Variants in LRBA observed in about 807,000 individuals in gnomAD.
LRBA encodes the protein LPS responsive beige-like anchor protein, also known as lipopolysaccharide-responsive and beige-like anchor protein.
In LRBA, 176 loss-of-function variants were observed where a neutral mutation model predicts 330.0. The observed-to-expected ratio is 0.53, with a 90% CI of 0.47 to 0.60. The LOEUF (loss-of-function observed/expected upper bound fraction) is 0.60, where lower values mean the gene tolerates loss of function less well. LRBA is among the 20% of genes least tolerant of loss of function. The probability of loss-of-function intolerance (pLI) is 0.00; values close to 1 mark genes in which losing one functional copy is unlikely to be tolerated. For synonymous variants in LRBA, 1,230 were observed against 1,193.0 expected, an observed-to-expected ratio of 1.03 and a Z score of -0.64; for missense variants, 3,259 against 3,444.8, an observed-to-expected ratio of 0.95 and a Z score of 1.35.
In LRBA at chr4:150,282,629, G is replaced by A; in HGVS notation, c.8137C>T (p.His2713Tyr). 1.9e-6 allele frequency: 3 copies of A among 1,607,960 alleles called. No individual in the cohort carries two copies. The highest frequency in any genetic ancestry group is 2.6e-6 in the Non-Finnish European group (3 of 1,176,288). The change falls in exon 55 of 57, where the codon CAT becomes TAT. Residue 2713 changes from histidine to tyrosine, a missense_variant. His to Tyr is a moderately conservative substitution (Grantham distance 83). Coordinates refer to ENST00000651943, the MANE Select transcript of LRBA (RefSeq NM_001364905.1). ...CTCAACAAGTCTCCATTCATGGAAT[G>A]TATGAGACATGGTCCTTCTGAGAAG... ...SGSQEGPCLI[H>Y]SMNGDLLRTL...
chr4:150,937,947 T>C (rs1735256493), intron 2 of LRBA, among the ~76,000 whole-genome samples: 2 of 152,158 alleles, frequency 1.3e-5, no homozygotes, highest in South Asian at 2.1e-4. Flanking sequence ...AAAAGATTAA[T>C]ACAACTGGAA....
chr4:150,989,169 C>CT (rs1741793046), intron 2 of LRBA, among the ~76,000 whole-genome samples: 1 of 151,842 alleles, frequency 6.6e-6, no homozygotes, highest in Non-Finnish European at 1.5e-5. Flanking sequence ...CCCCGCCTCA[C>CT]TAATTTCTGT....
In LRBA at chr4:150,928,797, T is replaced by C. The variant is rs778069427; in HGVS notation, c.448+37A>G. 5.3e-6 allele frequency: 8 copies of C among 1,501,990 alleles called. No homozygotes were observed. In the East Asian group the frequency reaches 1.6e-4, roughly 30 times the overall value. The allele number at this position is 1,501,990 out of a possible 1,614,324, so 93.0% of individuals were successfully genotyped here. ...ATATGTATTTGAAAATCAAACTTTA[T>C]TTCTTTGCATATATTGTACTATAGA... On this transcript the variant is annotated intron_variant, in intron 3 of 56. Transcript: ENST00000651943.
rs1748473476 is a variant in LRBA at position 150,420,310 on chromosome 4, G to GCA, written c.7042-4721_7042-4720insTG. Among the ~76,000 whole-genome samples, 3 of 144,630 alleles carry GCA rather than the reference G, an allele frequency of 2.1e-5. No homozygotes were observed. The East Asian group carries it at 6.1e-4, about 29-fold the overall frequency. The allele number at this position is 144,630 out of a possible 152,430, so 94.9% of individuals were successfully genotyped here. On this transcript the variant is annotated intron_variant, in intron 46 of 56. Transcript: ENST00000651943. ...TATATAATACACATTATAGTATAAA[G>GCA]TATATATAATGCACATTATAGTATA... is the stretch of plus-strand genomic sequence containing the variant.
chr4:150,483,468 G>C (rs1757525980), intron 42 of LRBA, among the ~76,000 whole-genome samples: 1 of 148,788 alleles, frequency 6.7e-6, no homozygotes, highest in Non-Finnish European at 1.5e-5. Flanking sequence ...TTAAATTTTA[G>C]AATCAGCTTG....
intron 40 of LRBA, among the ~76,000 whole-genome samples, chr4:150,562,082 T>C (rs1002268581): frequency 1.5e-5 from 2 of 132,464 alleles, no homozygotes; most frequent in African/African-American, 5.5e-5. Context: ...CTTTCCCCCT[T>C]AGCCTCTCCT....
chr4:150,620,506 A>G lies in LRBA; in HGVS notation c.5922-21375T>C, dbSNP rs376505339. 1.5e-4 allele frequency among the ~76,000 whole-genome samples: 23 copies of G among 152,320 alleles called. No homozygotes were observed. The South Asian group carries it at 2.7e-3, about 18-fold the overall frequency. On this transcript the variant is annotated intron_variant, in intron 37 of 56. Coordinates refer to ENST00000651943, the MANE Select transcript of LRBA (RefSeq NM_001364905.1). Reference sequence around the variant, plus strand: ...TTACATCAAAAAGACATCTGCAAGCATATGTTTATTGCAGCACAATTCACA... The same window carrying G: ...TTACATCAAAAAGACATCTGCAAGCGTATGTTTATTGCAGCACAATTCACA...
At chr4:150,483,563 G>A (rs1483270921) in intron 42 of LRBA, among the ~76,000 whole-genome samples, 1 of 151,580 alleles carries the variant, frequency 6.6e-6, no homozygotes, top group African/African-American at 2.4e-5. Flanking sequence ...TGAACTCCTA[G>A]GCTCAAGTGA....
chr4:150,344,687 C>T (rs1317750977), intron 48 of LRBA, among the ~76,000 whole-genome samples: 2 of 152,156 alleles, frequency 1.3e-5, no homozygotes, highest in Non-Finnish European at 2.9e-5. Flanking sequence ...TCAGCTAGGG[C>T]TATATGTATG....
At chr4:150,793,756 G>A (rs1034053454) in intron 34 of LRBA, among the ~76,000 whole-genome samples, 53 of 152,248 alleles carry the variant, frequency 3.5e-4, no homozygotes, top group African/African-American at 1.2e-3. Flanking sequence ...AGGGAAGAGA[G>A]GGTAAAGGAA....
chr4:150,801,407 GA>G (rs1340884551), intron 33 of LRBA, among the ~76,000 whole-genome samples: 2 of 152,104 alleles, frequency 1.3e-5, no homozygotes, highest in Admixed American at 6.5e-5. Flanking sequence ...CAACATTTTG[GA>G]AAAATTGGAT....
intron 2 of LRBA, among the ~76,000 whole-genome samples, chr4:150,961,138 T>G (rs1381847126): frequency 6.7e-6 from 1 of 149,150 alleles, no homozygotes; most frequent in African/African-American, 2.6e-5. Flanking sequence ...TGGCTGTAGA[T>G]GAGATTCAGC....
intron 17 of LRBA, among the ~76,000 whole-genome samples, chr4:150,873,610 A>C (rs1363742350): frequency 6.6e-6 from 1 of 152,048 alleles, no homozygotes; most frequent in Non-Finnish European, 1.5e-5. Context: ...ACAAACAAAC[A>C]AAGATCTAGG....
intron 34 of LRBA, among the ~76,000 whole-genome samples, chr4:150,768,192 T>A (rs1736047745): frequency 6.6e-6 from 1 of 152,030 alleles, no homozygotes; most frequent in Non-Finnish European, 1.5e-5. Flanking sequence ...AAATTTATTT[T>A]ACAACCTGGA....
At chr4:150,625,714 A>T (rs963519352) in intron 37 of LRBA, among the ~76,000 whole-genome samples, 2 of 147,946 alleles carry the variant, frequency 1.4e-5, no homozygotes, top group African/African-American at 5.0e-5. Flanking sequence ...TATAATTATT[A>T]TTATTTTTTT....
At chr4:150,341,613 T>A (rs1735580222) in intron 48 of LRBA, among the ~76,000 whole-genome samples, 1 of 152,086 alleles carries the variant, frequency 6.6e-6, no homozygotes, top group African/African-American at 2.4e-5. Context: ...TCAAATTTCT[T>A]AAGGATTATG....
At position 150,403,346 on chromosome 4, in the gene LRBA, C is replaced by T. The variant is rs921828416; in HGVS notation, c.7194+12092G>A. Among the ~76,000 whole-genome samples, 8 of 152,160 alleles carry T rather than the reference C, an allele frequency of 5.3e-5. No homozygotes were observed. The South Asian group carries it at 6.2e-4, about 12-fold the overall frequency. On this transcript the variant is annotated intron_variant, in intron 47 of 56. Coordinates refer to ENST00000651943, the MANE Select transcript of LRBA (RefSeq NM_001364905.1). ...ATTTCTTCTTGTGAATTTCATATTG[C>T]GAGCCCATTAGCCTCACTTCTCTTC...
At chr4:150,650,492 C>T (rs527637981) in intron 37 of LRBA, among the ~76,000 whole-genome samples, 1 of 152,098 alleles carries the variant, frequency 6.6e-6, no homozygotes, top group African/African-American at 2.4e-5. Context: ...TAACAAAGCA[C>T]CAAATAGAGT....
At chr4:150,996,705 A>C (rs1742684770) in intron 2 of LRBA, among the ~76,000 whole-genome samples, 1 of 152,182 alleles carries the variant, frequency 6.6e-6, no homozygotes, top group South Asian at 2.1e-4. Flanking sequence ...AATTCCTGAC[A>C]AATTTAATCA....
Sources: gnomAD v4.1 joint callset for allele counts (sites outside exome capture counted in the v4.1 genomes callset) on GRCh38, gnomAD v4.1.1 for gene constraint, MANE v1.5 for transcripts, NCBI Gene and HGNC (gene_info 2026-07-23, HGNC 2026-07-21) for gene names.